Variants in PRDM15 observed in about 807,000 individuals in gnomAD.
The protein encoded by PRDM15 is PR/SET domain 15.
Under a neutral mutation model 128.6 loss-of-function variants are expected in PRDM15, and 64 were observed. That is an observed-to-expected ratio of 0.50 (90% CI 0.41 to 0.61). PRDM15 has a LOEUF of 0.61. Among genes scored for constraint, PRDM15 ranks in the 20% least tolerant of loss-of-function variants. The pLI, the probability that PRDM15 is intolerant of heterozygous loss-of-function variation, is 0.00. For synonymous variants in PRDM15, 615 were observed against 621.8 expected (o/e 0.99, Z 0.16); for missense variants, 1,242 against 1,569.1 (o/e 0.79, Z 3.52).
Position 41,879,229 on chromosome 21 carries a change from CACGCCGGGGCGGGCGG to C in PRDM15, c.-10+25_-10+40del. ...GGTGCGGCCCGGGGCCGGCGGGGCG[CACGCCGGGGCGGGCGG>C]CGGGCGCAGGGCCCGGAGCTTTACC... On this transcript the variant is annotated intron_variant, in intron 1 of 23. Transcript: ENST00000398548. This position sits in a 1 kb window ranked among gnomAD's most constrained non-coding sequence, Gnocchi z 5.1. The C allele has an allele frequency of 2.4e-6, 2 of 839,098 alleles. No individual in the cohort carries two copies. Among genetic ancestry groups the C allele is most frequent in the Non-Finnish European group, 1.4e-6 (1 of 698,960 alleles). 52.0% of individuals were successfully genotyped at this position (839,098 alleles called of 1,614,324 possible). A position where few individuals can be genotyped will look rare whatever the true frequency, so the allele number is the denominator to read the frequency against.
chr21:41,858,603 C>CA (rs1460351409), intron 3 of PRDM15, among the ~76,000 whole-genome samples: 8 of 151,964 alleles, frequency 5.3e-5, no homozygotes, highest in Non-Finnish European at 1.0e-4. Flanking sequence ...GCCTCTCCGA[C>CA]AGAGGCGGAC....
chr21:41,867,219 G>A (rs1460450077), intron 1 of PRDM15: 1 of 1,027,424 alleles, frequency 9.7e-7, no homozygotes, highest in Non-Finnish European at 1.5e-6. Flanking sequence ...CAGCCACTCA[G>A]GGGCCTCTGC....
In PRDM15 at chr21:41,810,548, T is replaced by C; in HGVS notation, c.2476+205A>G. 3.1e-6 allele frequency: 2 copies of C among 644,422 alleles called. No individual in the cohort carries two copies. Among genetic ancestry groups the C allele is most frequent in the Non-Finnish European group, 5.3e-6 (2 of 374,732 alleles). The allele number at this position is 644,422 out of a possible 1,614,324, so 39.9% of individuals were successfully genotyped here. ...AGCAGCAGCTGCATCACGGAACCAA[T>C]ATGAGAAAATTCAAGAAGGGATACT... On this transcript the variant is annotated intron_variant, in intron 20 of 23. Coordinates refer to ENST00000398548, the MANE Select transcript of PRDM15 (RefSeq NM_001040424.3). This position sits in a 1 kb window ranked among gnomAD's most constrained non-coding sequence, Gnocchi z 6.4.
intron 21 of PRDM15, among the ~76,000 whole-genome samples, chr21:41,806,641 TCACCAC>T: frequency 3.5e-4 from 1 of 2,838 alleles, no homozygotes. Context: ...ACCACCACCA[TCACCAC>T]CACCATCACC....
In PRDM15 at chr21:41,810,798, A is replaced by G. The variant is rs2061840103; in HGVS notation, c.2431T>C (p.Phe811Leu). ...GTCTCCATGGTGTTCCTCTCGCTGA[A>G]TGTCTTCCCACACAATTCACACATG... ...DFMCELCGKT[F>L]SERNTMETHK... The change falls in exon 20 of 24, where the codon TTC (phenylalanine) becomes CTC (leucine). Residue 811 changes from phenylalanine (F) to leucine (L), a missense_variant. Around this residue, in one of 3 missense-constraint regions of PRDM15, gnomAD observed 602 missense variants for 788.3 expected, o/e 0.76. Transcript: ENST00000398548. This position sits in a 1 kb window ranked among gnomAD's most constrained non-coding sequence, Gnocchi z 6.4. The G allele has an allele frequency of 6.2e-7, 1 of 1,614,048 alleles. No homozygotes were observed. Among genetic ancestry groups the G allele is most frequent in the Non-Finnish European group, 8.5e-7 (1 of 1,180,038 alleles).
chr21:41,835,963 GCCCCCGCCCACTCTCCTCCCTCCCCC>G (rs2062869371), intron 10 of PRDM15, 124 bp downstream of exon 10: 1 of 118,084 alleles, frequency 8.5e-6, no homozygotes, highest in Non-Finnish European at 1.7e-5. Context: ...CTCCCCCACA[GCCCCCGCCCACTCTCCTCCCTCCCCC>G]ACAGCCCCCG....
chr21:41,799,468 T>C lies in PRDM15; in HGVS notation c.*1772A>G, dbSNP rs890346132. 1.3e-5 allele frequency: 2 copies of C among 152,174 alleles called. No individual in the cohort carries two copies. Among genetic ancestry groups the C allele is most frequent in the African/African-American group, 4.8e-5 (2 of 41,420 alleles). 9.4% of individuals were successfully genotyped at this position (152,174 alleles called of 1,614,324 possible). On this transcript the variant is annotated 3_prime_UTR_variant, in exon 24 of 24. Coordinates refer to ENST00000398548, the MANE Select transcript of PRDM15 (RefSeq NM_001040424.3). ...AATTAAAAGTCAAATGATCTCCCAC[T>C]ATTCATTCAACTGAGAGGTGAGAGC...
intron 18 of PRDM15, among the ~76,000 whole-genome samples, chr21:41,818,671 T>C (rs917874816): frequency 6.6e-6 from 1 of 152,154 alleles, no homozygotes; most frequent in Admixed American, 6.5e-5. Context: ...GTGCAGTTCA[T>C]GCAGCTCCTG....
In PRDM15 at chr21:41,828,267, T is replaced by C; in HGVS notation, c.1433A>G (p.His478Arg). 6.2e-7 allele frequency: 1 copy of C among 1,614,064 alleles called. No homozygotes were observed. The highest frequency in any genetic ancestry group is 8.5e-7 in the Non-Finnish European group (1 of 1,179,978). Residue 478 changes from histidine (H) to arginine (R), a missense_variant, in exon 12 of 24, where the codon CAC becomes CGC. By Grantham distance (29) the His-to-Arg change is conservative. Around this residue, in one of 3 missense-constraint regions of PRDM15, gnomAD observed 612 missense variants for 717.0 expected, o/e 0.85. Coordinates refer to ENST00000398548, the MANE Select transcript of PRDM15 (RefSeq NM_001040424.3). The surrounding 1 kb of genome is among the most constrained non-coding windows in gnomAD (Gnocchi z 5.7). ...CTTCTTGTCGCCGTGCTTCTTCTTG[T>C]GCTTGGAGAGGTTGCTGTTGGTGGA... ...FFSTNSNLSK[H>R]KKKHGDKKFA...
At chr21:41,861,761 G>A (rs1264109048) in intron 1 of PRDM15, 2 of 1,611,652 alleles carry the variant, frequency 1.2e-6, no homozygotes, top group Non-Finnish European at 1.7e-6. Context: ...TCTGAGAGCA[G>A]TGCCGGGTTG....
At chr21:41,824,289 C>A (rs570776484) in intron 13 of PRDM15, among the ~76,000 whole-genome samples, 1 of 152,202 alleles carries the variant, frequency 6.6e-6, no homozygotes, top group Non-Finnish European at 1.5e-5. Flanking sequence ...GGGCTGACAG[C>A]GCTGTGCCCC....
intron 3 of PRDM15, among the ~76,000 whole-genome samples, chr21:41,858,120 C>T (rs910265783): frequency 9.2e-5 from 14 of 152,238 alleles, no homozygotes; most frequent in Non-Finnish European, 1.8e-4. Flanking sequence ...GACGCAAGGG[C>T]CATGGAAGTC....
intron 1 of PRDM15, chr21:41,878,672 G>T: frequency 6.7e-7 from 1 of 1,491,860 alleles, no homozygotes; most frequent in Non-Finnish European, 9.0e-7. Flanking sequence ...ATAAGGCGCA[G>T]GGGGTCTGGG....
chr21:41,857,517 T>C (rs2063673491), intron 3 of PRDM15, among the ~76,000 whole-genome samples, 188 bp from the exon 4 acceptor site: 1 of 152,180 alleles, frequency 6.6e-6, no homozygotes, highest in Admixed American at 6.5e-5. Context: ...GCATGCACTT[T>C]GGAAGGCCAA....
chr21:41,825,888 G>T, intron 13 of PRDM15, 72 bp downstream of exon 13: 2 of 1,169,982 alleles, frequency 1.7e-6, no homozygotes, highest in Non-Finnish European at 2.6e-6. Flanking sequence ...TATAAGTACA[G>T]CTCATAGAGT....
Position 41,859,864 on chromosome 21 carries a change from G to A in PRDM15, c.38-179C>T, listed in dbSNP as rs560715474. 9.2e-5 allele frequency among the ~76,000 whole-genome samples: 14 copies of A among 152,214 alleles called. No homozygotes were observed. The highest frequency in any genetic ancestry group is 3.1e-4 in the African/African-American group (13 of 41,518). On this transcript the variant is annotated intron_variant, in intron 2 of 23. Coordinates refer to ENST00000398548, the MANE Select transcript of PRDM15 (RefSeq NM_001040424.3). This position sits in a 1 kb window ranked among gnomAD's most constrained non-coding sequence, Gnocchi z 5.3. Reference sequence around the variant, plus strand: ...TTGGATGGCAGAAGGCCTGTGTCCCGAAGGCCTCTGTCAGCACTCGTGCAC... The same window carrying A: ...TTGGATGGCAGAAGGCCTGTGTCCCAAAGGCCTCTGTCAGCACTCGTGCAC...
chr21:41,813,390 A>C (rs2061929892), intron 19 of PRDM15: 1 of 152,440 alleles, frequency 6.6e-6, no homozygotes, highest in African/African-American at 2.4e-5. Flanking sequence ...GATGGACAGT[A>C]CACTTCTGCA....
intron 18 of PRDM15, 110 bp downstream of exon 18, chr21:41,819,472 G>A (rs1183056625): frequency 4.7e-5 from 7 of 149,676 alleles, no homozygotes; most frequent in Middle Eastern, 1.6e-3. Flanking sequence ...CCCCGCCCCC[G>A]CCACACCCAC....
Position 41,801,111 on chromosome 21 carries a change from C to T in PRDM15, c.*129G>A, listed in dbSNP as rs1026399533. 1.6e-5 allele frequency: 21 copies of T among 1,326,122 alleles called. No individual in the cohort carries two copies. In the East Asian group the frequency reaches 5.0e-4, roughly 31 times the overall value. 82.1% of individuals were successfully genotyped at this position (1,326,122 alleles called of 1,614,324 possible). Reference sequence around the variant, plus strand: ...GTTGCTGGCGGGGGATCTGGAGATACTCTGCAAAGCTAAGTCAACCTTACA... The same window carrying T: ...GTTGCTGGCGGGGGATCTGGAGATATTCTGCAAAGCTAAGTCAACCTTACA... On this transcript the variant is annotated 3_prime_UTR_variant, in exon 24 of 24. Coordinates refer to ENST00000398548, the MANE Select transcript of PRDM15 (RefSeq NM_001040424.3).
Sources: gnomAD v4.1 joint callset for allele counts (sites outside exome capture counted in the v4.1 genomes callset) on GRCh38, gnomAD v4.1.1 for gene constraint, gnomAD v4.1.1 regional missense constraint, Gnocchi (gnomAD v3.1) non-coding constraint, MANE v1.5 for transcripts, NCBI Gene and HGNC (gene_info 2026-07-23, HGNC 2026-07-21) for gene names.